Variants in EXOC6B observed in about 807,000 individuals in gnomAD.
EXOC6B encodes exocyst complex component 6B.
In EXOC6B, 54 loss-of-function variants were observed where a neutral mutation model predicts 113.5. The observed-to-expected ratio is 0.48, with a 90% CI of 0.38 to 0.60. The LOEUF (loss-of-function observed/expected upper bound fraction) is 0.60. Ranked by LOEUF, EXOC6B falls within the 20% of genes least tolerant of loss-of-function variation. The probability of loss-of-function intolerance (pLI) is 0.00; values close to 1 mark genes in which losing one functional copy is unlikely to be tolerated. For synonymous variants in EXOC6B, 357 were observed against 339.0 expected (o/e 1.05, Z -0.58); for missense variants, 797 against 977.5 (o/e 0.82, Z 2.46).
chr2:72,276,390 G>A (rs926464172), intron 20 of EXOC6B, among the ~76,000 whole-genome samples: 1 of 152,138 alleles, frequency 6.6e-6, no homozygotes, highest in African/African-American at 2.4e-5. Context: ...AGAGAGGTAG[G>A]TGTTTTCTCC....
chr2:72,802,662 A>ATTTC (rs1370277499), intron 1 of EXOC6B, among the ~76,000 whole-genome samples: 34 of 152,198 alleles, frequency 2.2e-4, no homozygotes, highest in African/African-American at 7.7e-4. Context: ...AATCAGAAAG[A>ATTTC]AAAGGCCCTT....
intron 19 of EXOC6B, among the ~76,000 whole-genome samples, chr2:72,367,050 A>G (rs1412475669): frequency 6.6e-6 from 1 of 152,134 alleles, no homozygotes; most frequent in Non-Finnish European, 1.5e-5. Flanking sequence ...TAGACATTTT[A>G]TAAAATAAAT....
At chr2:72,634,536 A>G (rs1166582769) in intron 6 of EXOC6B, among the ~76,000 whole-genome samples, 1 of 152,168 alleles carries the variant, frequency 6.6e-6, no homozygotes, top group Non-Finnish European at 1.5e-5. Context: ...AGTAACAAAG[A>G]AATCTTACAT....
chr2:72,757,343 C>T (rs1411372652), intron 1 of EXOC6B, among the ~76,000 whole-genome samples: 1 of 152,228 alleles, frequency 6.6e-6, no homozygotes, highest in Non-Finnish European at 1.5e-5. Context: ...AAGAAACTCT[C>T]TCCCTTGCAT....
chr2:72,533,911 T>C (rs1260551176), intron 8 of EXOC6B, among the ~76,000 whole-genome samples: 1 of 152,208 alleles, frequency 6.6e-6, no homozygotes, highest in Non-Finnish European at 1.5e-5. Context: ...AGGTTTCGAA[T>C]ATGACTCATA....
At chr2:72,676,688 C>A (rs1350277731) in intron 6 of EXOC6B, among the ~76,000 whole-genome samples, 1 of 152,106 alleles carries the variant, frequency 6.6e-6, no homozygotes, top group African/African-American at 2.4e-5. Flanking sequence ...AATTTGAAAT[C>A]TTCAATAAGA....
At chr2:72,300,879 A>G (rs367693481) in intron 20 of EXOC6B, among the ~76,000 whole-genome samples, 3 of 152,106 alleles carry the variant, frequency 2.0e-5, no homozygotes, top group Non-Finnish European at 2.9e-5. Context: ...ACCAGTCCCA[A>G]TGAGATGAAC....
chr2:72,597,192 C>A (rs1670128120), intron 6 of EXOC6B, among the ~76,000 whole-genome samples: 1 of 151,256 alleles, frequency 6.6e-6, no homozygotes, highest in Admixed American at 6.6e-5. Context: ...TTATGTAAAT[C>A]TTACCTCAAT....
chr2:72,335,242 T>C (rs1688626304), intron 19 of EXOC6B: 1 of 518,084 alleles, frequency 1.9e-6, no homozygotes, highest in Admixed American at 3.3e-5. Flanking sequence ...CTGTACTAAT[T>C]CGACCTGAAA....
At chr2:72,284,408 T>C (rs1317907842) in intron 20 of EXOC6B, among the ~76,000 whole-genome samples, 1 of 152,012 alleles carries the variant, frequency 6.6e-6, no homozygotes, top group Admixed American at 6.6e-5. Context: ...GAAAAAAGTA[T>C]TTGACAAAAT....
intron 6 of EXOC6B, among the ~76,000 whole-genome samples, chr2:72,662,212 C>T (rs989197572): frequency 4.6e-5 from 7 of 152,052 alleles, no homozygotes; most frequent in Admixed American, 3.9e-4. Flanking sequence ...CTGAAAATTG[C>T]TCATAGATCC....
At chr2:72,609,464 T>C (rs1375361839) in intron 6 of EXOC6B, among the ~76,000 whole-genome samples, 1 of 151,608 alleles carries the variant, frequency 6.6e-6, no homozygotes, top group Non-Finnish European at 1.5e-5. Flanking sequence ...CTGGATGTTC[T>C]GCCAAATCCC....
chr2:72,370,197 C>T (rs1276300542), intron 19 of EXOC6B, among the ~76,000 whole-genome samples: 21 of 152,098 alleles, frequency 1.4e-4, no homozygotes, highest in African/African-American at 3.6e-4. Flanking sequence ...AAAAAGTGGG[C>T]GAAGGATATG....
chr2:72,501,136 C>T (rs867745127), intron 11 of EXOC6B, among the ~76,000 whole-genome samples: 1 of 152,048 alleles, frequency 6.6e-6, no homozygotes, highest in Non-Finnish European at 1.5e-5. Flanking sequence ...CTTTTTAATG[C>T]TTTGTCATTT....
At chr2:72,740,008 C>G (rs1681202385) in intron 2 of EXOC6B, among the ~76,000 whole-genome samples, 1 of 151,886 alleles carries the variant, frequency 6.6e-6, no homozygotes, top group Non-Finnish European at 1.5e-5. Flanking sequence ...AGGATAGCAC[C>G]ATATAATCAA....
intron 20 of EXOC6B, among the ~76,000 whole-genome samples, chr2:72,319,849 T>A (rs1687745906): frequency 6.6e-6 from 1 of 152,162 alleles, no homozygotes; most frequent in Admixed American, 6.5e-5. Flanking sequence ...AGCTTTTTTT[T>A]TTTTGAGACG....
intron 20 of EXOC6B, among the ~76,000 whole-genome samples, chr2:72,192,276 AT>A (rs1678894616): frequency 6.6e-6 from 1 of 152,196 alleles, no homozygotes; most frequent in Admixed American, 6.5e-5. Flanking sequence ...GTCAGCTAAC[AT>A]TTTGTAGCAA....
At chr2:72,250,509 A>C (rs1682944029) in intron 20 of EXOC6B, among the ~76,000 whole-genome samples, 1 of 151,382 alleles carries the variant, frequency 6.6e-6, no homozygotes, top group African/African-American at 2.4e-5. Context: ...GGCCTGGCTA[A>C]TTTTTGTTTT....
chr2:72,592,195 G>A (rs533786436), intron 6 of EXOC6B, among the ~76,000 whole-genome samples: 35 of 152,214 alleles, frequency 2.3e-4, no homozygotes, highest in African/African-American at 8.4e-4. Flanking sequence ...AAACCTTTTG[G>A]GCCAGCATCC....
Sources: gnomAD v4.1 joint callset for allele counts (sites outside exome capture counted in the v4.1 genomes callset) on GRCh38, gnomAD v4.1.1 for gene constraint, MANE v1.5 for transcripts, NCBI Gene and HGNC (gene_info 2026-07-23, HGNC 2026-07-21) for gene names.